Variants in EPHB2 observed in about 807,000 individuals in gnomAD.
The protein encoded by EPHB2 is EPH receptor B2.
In EPHB2, 18 loss-of-function variants were observed where a neutral mutation model predicts 96.4. That is an observed-to-expected ratio of 0.19 (90% confidence interval 0.13 to 0.28). EPHB2 has a LOEUF of 0.28. Ranked by LOEUF, EPHB2 falls within the 10% of genes least tolerant of loss-of-function variation. The pLI is 1.00. For missense variants in EPHB2, 989 were observed against 1,355.4 expected, an observed-to-expected ratio of 0.73 and a Z score of 4.25; for synonymous variants, 506 against 534.1, an observed-to-expected ratio of 0.95 and a Z score of 0.72.
Position 22,822,312 on chromosome 1 carries a change from A to G in EPHB2, c.811+37236A>G, listed in dbSNP as rs1391527403. ...AGCCTGGGCAACATGGCGAAACCCC[A>G]TCTCTATTTTTTAATTTAAAAAAAA... is the stretch of plus-strand genomic sequence containing the variant. On this transcript the variant is annotated intron_variant, in intron 3 of 15. Transcript: ENST00000374630. Among the ~76,000 whole-genome samples, 3 of 149,322 alleles carry G rather than the reference A, an allele frequency of 2.0e-5. No homozygotes were observed. The East Asian group carries it at 5.9e-4, about 29-fold the overall frequency.
chr1:22,805,896 C>A (rs1644918730), intron 3 of EPHB2, among the ~76,000 whole-genome samples: 1 of 152,182 alleles, frequency 6.6e-6, no homozygotes, highest in African/African-American at 2.4e-5. Context: ...CATTTGTATG[C>A]AGCAGGGGGC....
intron 1 of EPHB2, among the ~76,000 whole-genome samples, chr1:22,723,098 G>A (rs1477804292): frequency 2.6e-5 from 4 of 152,216 alleles, no homozygotes; most frequent in Non-Finnish European, 4.4e-5. Context: ...CCATTATGGC[G>A]ACGACATATG....
At chr1:22,806,667 C>T (rs572921869) in intron 3 of EPHB2, among the ~76,000 whole-genome samples, 1 of 152,246 alleles carries the variant, frequency 6.6e-6, no homozygotes, top group East Asian at 1.9e-4. Flanking sequence ...TTAGCTGTGC[C>T]CTCCACAGGG....
chr1:22,778,114 C>T (rs1384928454), intron 1 of EPHB2, among the ~76,000 whole-genome samples: 1 of 152,166 alleles, frequency 6.6e-6, no homozygotes, highest in Non-Finnish European at 1.5e-5. Context: ...CAACCTCTGC[C>T]TCCTGGGTTC....
intron 3 of EPHB2, among the ~76,000 whole-genome samples, chr1:22,812,174 A>T (rs146922614): frequency 6.6e-6 from 1 of 152,138 alleles, no homozygotes; most frequent in East Asian, 1.9e-4. Context: ...TACTAGGAGG[A>T]TGAAATTGTA....
Position 22,906,881 on chromosome 1 carries a change from G to C in EPHB2, c.2060G>C (p.Gly687Ala). The change falls in exon 11 of 16, where the codon GGT (glycine) becomes GCT (alanine). Residue 687 changes from glycine (G) to alanine (A), a missense_variant. Physicochemically the swap from Gly to Ala is moderately conservative, Grantham distance 60. Transcript: ENST00000374630. This position sits in a 1 kb window ranked among gnomAD's most constrained non-coding sequence, Gnocchi z 4.8. The stretch of plus-strand genomic sequence containing the variant: ...CATCCCAACGTCATCCACCTGGAGG[G>C]TGTCGTGACCAAGAGCACACCTGTG... ...FDHPNVIHLE[G>A]VVTKSTPVMI... 6.2e-7 allele frequency: 1 copy of C among 1,614,222 alleles called. No homozygotes were observed. The highest frequency in any genetic ancestry group is 1.7e-5 in the Admixed American group (1 of 60,034).
chr1:22,913,724 A>G lies in EPHB2; in HGVS notation c.*154A>G. 6 of 1,603,008 alleles carry G rather than the reference A, an allele frequency of 3.7e-6. No homozygotes were observed. Among genetic ancestry groups the G allele is most frequent in the Non-Finnish European group, 5.1e-6 (6 of 1,174,688 alleles). ...CAAGCGGTGCCAGCCACGAGACGTC[A>G]CCAAGAAAACATGCAACTCAAACGA... On this transcript the variant is annotated 3_prime_UTR_variant, in exon 16 of 16. Transcript: ENST00000374630. This position sits in a 1 kb window ranked among gnomAD's most constrained non-coding sequence, Gnocchi z 4.1.
intron 3 of EPHB2, among the ~76,000 whole-genome samples, chr1:22,814,407 G>A (rs1645044049): frequency 6.6e-6 from 1 of 152,118 alleles, no homozygotes; most frequent in Non-Finnish European, 1.5e-5. Context: ...GCAGGAGGCG[G>A]TGTCCCCAAC....
At chr1:22,829,329 G>T (rs1485025562) in intron 3 of EPHB2, among the ~76,000 whole-genome samples, 1 of 152,230 alleles carries the variant, frequency 6.6e-6, no homozygotes, top group African/African-American at 2.4e-5. Flanking sequence ...CTCCCGGTCA[G>T]CGTCTCTCCT....
intron 3 of EPHB2, among the ~76,000 whole-genome samples, chr1:22,838,921 ACTCTGT>A (rs763718037): frequency 7.3e-5 from 11 of 151,516 alleles, no homozygotes; most frequent in Non-Finnish European, 1.0e-4. Context: ...ACAGAGTGAG[ACTCTGT>A]CTCAAAAATA....
At chr1:22,868,241 G>A (rs539553065) in intron 5 of EPHB2, among the ~76,000 whole-genome samples, 16 of 152,268 alleles carry the variant, frequency 1.1e-4, no homozygotes, top group East Asian at 3.9e-4. Context: ...AGGGGTTTCC[G>A]GGGAATAGGC....
chr1:22,909,236 C>A, intron 13 of EPHB2, 65 bp downstream of exon 13: 1 of 1,611,342 alleles, frequency 6.2e-7, no homozygotes, highest in South Asian at 1.1e-5. Context: ...AAGATCGGGG[C>A]TCCTGGCCTT....
intron 3 of EPHB2, among the ~76,000 whole-genome samples, chr1:22,801,841 G>A (rs1271977232): frequency 6.6e-6 from 1 of 152,104 alleles, no homozygotes; most frequent in Admixed American, 6.5e-5. Flanking sequence ...TCTCCCAGAC[G>A]CCCCTTCCCT....
At chr1:22,716,652 A>G (rs1243625649) in intron 1 of EPHB2, among the ~76,000 whole-genome samples, 1 of 152,128 alleles carries the variant, frequency 6.6e-6, no homozygotes, top group African/African-American at 2.4e-5. Context: ...GACAGATTCT[A>G]TGGGCCAGTT....
intron 3 of EPHB2, among the ~76,000 whole-genome samples, chr1:22,855,769 C>T (rs1645688896): frequency 6.6e-6 from 1 of 152,198 alleles, no homozygotes; most frequent in Non-Finnish European, 1.5e-5. Flanking sequence ...ATCTTCCCAA[C>T]AAATATAATC....
chr1:22,760,838 T>A (rs1644225284), intron 1 of EPHB2, among the ~76,000 whole-genome samples: 1 of 152,164 alleles, frequency 6.6e-6, no homozygotes, highest in Admixed American at 6.5e-5. Flanking sequence ...TGGCTGTGTC[T>A]CGGGTAGGTA....
At chr1:22,908,681 G>T (rs1488664085) in intron 12 of EPHB2, among the ~76,000 whole-genome samples, 1 of 152,312 alleles carries the variant, frequency 6.6e-6, no homozygotes, top group South Asian at 2.1e-4. Context: ...GTGCAAGTAG[G>T]CAAGTCACTT....
chr1:22,816,562 G>A (rs374496090), intron 3 of EPHB2, among the ~76,000 whole-genome samples: 22 of 152,072 alleles, frequency 1.4e-4, no homozygotes, highest in East Asian at 7.7e-4. Context: ...CATCTCTGCC[G>A]TTCCCCCTGC....
Position 22,781,492 on chromosome 1 carries a change from C to T in EPHB2, c.126+7C>T, listed in dbSNP as rs1644532294. The T allele has an allele frequency of 6.2e-7, 1 of 1,613,844 alleles. No individual in the cohort carries two copies. The highest frequency in any genetic ancestry group is 8.5e-7 in the Non-Finnish European group (1 of 1,179,872). The stretch of plus-strand genomic sequence containing the variant: ...GGTGCATCCTCCATCAGGGGTGAGT[C>T]AGTGGTCCCCAAACCTTGCATTGGT... On this transcript the variant is annotated splice_region_variant and intron_variant, in intron 2 of 15. Coordinates refer to ENST00000374630, the MANE Select transcript of EPHB2 (RefSeq NM_017449.5).
Sources: allele counts gnomAD v4.1 joint callset (sites outside exome capture counted in the v4.1 genomes callset), GRCh38; gene constraint gnomAD v4.1.1; non-coding constraint Gnocchi (gnomAD v3.1); transcripts MANE v1.5; gene names NCBI Gene and HGNC (gene_info 2026-07-23, HGNC 2026-07-21).